RBMS3: variants seen among roughly 807,000 people sequenced by gnomAD.
RBMS3 encodes the protein RNA-binding motif, single-stranded-interacting protein 3.
A neutral mutation model predicts 66.8 loss-of-function variants in RBMS3; 27 were observed. The ratio of observed to expected loss-of-function variants is 0.40; its 90% CI spans 0.30 to 0.56. The LOEUF is 0.56. Ranked by LOEUF, RBMS3 falls within the 20% of genes least tolerant of loss-of-function variation. The pLI is 0.40. For missense variants in RBMS3, 513 were observed against 549.5 expected, an observed-to-expected ratio of 0.93 and a Z score of 0.66; for synonymous variants, 188 against 183.0, an observed-to-expected ratio of 1.03 and a Z score of -0.22.
At chr3:29,377,084 T>G (rs1401982076) in intron 1 of RBMS3, among the ~76,000 whole-genome samples, 1 of 150,326 alleles carries the variant, frequency 6.7e-6, no homozygotes, top group Non-Finnish European at 1.5e-5. Flanking sequence ...AGCAAAACTC[T>G]GTCTCAGAAA....
chr3:29,664,556 G>T (rs574529976), intron 4 of RBMS3, among the ~76,000 whole-genome samples: 42 of 151,940 alleles, frequency 2.8e-4, no homozygotes, highest in African/African-American at 1.0e-3. Context: ...TGAAGCAATG[G>T]TTTTTTATAA....
intron 12 of RBMS3, among the ~76,000 whole-genome samples, chr3:29,975,581 CTTGT>C (rs980326255): frequency 1.1e-4 from 17 of 151,670 alleles, no homozygotes; most frequent in African/African-American, 4.1e-4. Flanking sequence ...TTTTCATTGT[CTTGT>C]TTTTTAATAA....
rs566046385 is a variant in RBMS3 at position 29,392,016 on chromosome 3, G to A, written c.76-42727G>A. 2.4e-4 allele frequency among the ~76,000 whole-genome samples: 37 copies of A among 152,236 alleles called. No homozygotes were observed. The East Asian group carries it at 3.7e-3, about 15-fold the overall frequency. On this transcript the variant is annotated intron_variant, in intron 1 of 14. Transcript: ENST00000383767. ...TGTAATCCCAGCACTTTGGGAGGTC[G>A]AGGAGGGTGGATCACTTGAGGTCAG...
intron 6 of RBMS3, among the ~76,000 whole-genome samples, chr3:29,782,696 CA>C (rs1363781438): frequency 6.6e-6 from 1 of 151,640 alleles, no homozygotes; most frequent in African/African-American, 2.4e-5. Context: ...TCTGAATTGC[CA>C]AAAAAAGAAT....
intron 1 of RBMS3, among the ~76,000 whole-genome samples, chr3:29,310,058 G>A (rs1220110017): frequency 1.3e-5 from 2 of 151,612 alleles, no homozygotes; most frequent in African/African-American, 2.4e-5. Context: ...ATGTGAGAAC[G>A]TGAGTAAAAA....
intron 4 of RBMS3, among the ~76,000 whole-genome samples, chr3:29,718,504 A>G (rs1295488442): frequency 2.6e-5 from 4 of 152,088 alleles, no homozygotes; most frequent in Non-Finnish European, 4.4e-5. Flanking sequence ...CTGGAGCTCA[A>G]TTCTGCTGGA....
At chr3:29,377,664 G>C (rs2038547588) in intron 1 of RBMS3, among the ~76,000 whole-genome samples, 1 of 152,152 alleles carries the variant, frequency 6.6e-6, no homozygotes. Context: ...GCCTGACTTT[G>C]GACCATGTGT....
At chr3:29,629,621 C>A (rs2049209038) in intron 4 of RBMS3, among the ~76,000 whole-genome samples, 1 of 152,098 alleles carries the variant, frequency 6.6e-6, no homozygotes, top group South Asian at 2.1e-4. Flanking sequence ...ACAGGGAACT[C>A]ATCCATAGTT....
chr3:29,367,203 C>G (rs2037957874), intron 1 of RBMS3, among the ~76,000 whole-genome samples: 2 of 152,136 alleles, frequency 1.3e-5, no homozygotes, highest in South Asian at 4.2e-4. Flanking sequence ...GAAAAATTAA[C>G]ATTCATTTCA....
chr3:29,988,047 G>A (rs1698550547), intron 12 of RBMS3, 96 bp from the exon 13 acceptor site: 2 of 964,972 alleles, frequency 2.1e-6, no homozygotes, highest in Admixed American at 4.0e-5. Context: ...CACTGGCTAT[G>A]GGCCCCATAG....
intron 4 of RBMS3, among the ~76,000 whole-genome samples, chr3:29,692,296 A>T (rs2149275049): frequency 6.6e-6 from 1 of 152,076 alleles, no homozygotes; most frequent in East Asian, 1.9e-4. Flanking sequence ...TATTTTTTAA[A>T]TGCCTCATGT....
chr3:29,904,654 C>T (rs1272193378), intron 10 of RBMS3, among the ~76,000 whole-genome samples: 1 of 151,984 alleles, frequency 6.6e-6, no homozygotes, highest in South Asian at 2.1e-4. Flanking sequence ...ATTTGATATA[C>T]ATTATTTTCA....
intron 5 of RBMS3, among the ~76,000 whole-genome samples, chr3:29,748,046 C>A (rs957396330): frequency 6.6e-6 from 1 of 152,116 alleles, no homozygotes. Flanking sequence ...ACACCCCAAA[C>A]ATAGGGGTGT....
At position 29,444,786 on chromosome 3, in the gene RBMS3, GCC is replaced by G. The variant is rs1297583713; in HGVS notation, c.248+9872_248+9873del. ...ACAATTCTTTCAAGCGGAAATATAT[GCC>G]TTTTTTTTTTTTTTTTTTTTTTTTG... On this transcript the variant is annotated intron_variant, in intron 2 of 14. Transcript: ENST00000383767. 5.8e-3 allele frequency among the ~76,000 whole-genome samples: 175 copies of G among 30,402 alleles called. 1 individual carries two copies. Among genetic ancestry groups the G allele is most frequent in the African/African-American group, 0.015 (168 of 10,894 alleles). 19.9% of individuals were successfully genotyped at this position (30,402 alleles called of 152,430 possible). A position where few individuals can be genotyped will look rare whatever the true frequency, so the allele number is the denominator to read the frequency against.
chr3:29,833,931 G>T (rs1324938056), intron 6 of RBMS3, among the ~76,000 whole-genome samples: 1 of 151,350 alleles, frequency 6.6e-6, no homozygotes, highest in Non-Finnish European at 1.5e-5. Context: ...AAAGCGCCAA[G>T]AAAAAAAACA....
chr3:29,384,429 T>TAAGAAGAAGAAGAAGAAGAAG (rs1336272827), intron 1 of RBMS3, among the ~76,000 whole-genome samples: 35 of 95,974 alleles, frequency 3.6e-4, no homozygotes, highest in East Asian at 3.6e-3. Context: ...ATAATAATAA[T>TAAGAAGAAGAAGAAGAAGAAG]AATAATAAGA....
intron 1 of RBMS3, among the ~76,000 whole-genome samples, chr3:29,392,840 T>A (rs950892781): frequency 2.0e-5 from 3 of 151,794 alleles, no homozygotes; most frequent in Admixed American, 2.0e-4. Flanking sequence ...TGAAAAGAGA[T>A]CATGCCAGTC....
chr3:29,518,759 T>G (rs1306959176), intron 3 of RBMS3, among the ~76,000 whole-genome samples: 1 of 152,206 alleles, frequency 6.6e-6, no homozygotes, highest in African/African-American at 2.4e-5. Flanking sequence ...CACTGTATGT[T>G]AATATGTAGC....
chr3:29,810,179 A>C (rs2057690166), intron 6 of RBMS3, among the ~76,000 whole-genome samples: 1 of 152,112 alleles, frequency 6.6e-6, no homozygotes, highest in Non-Finnish European at 1.5e-5. Context: ...AAAAACAGTG[A>C]TCTTAGAAAA....
Sources: gnomAD v4.1 joint callset for allele counts (sites outside exome capture counted in the v4.1 genomes callset) on GRCh38, gnomAD v4.1.1 for gene constraint, MANE v1.5 for transcripts, NCBI Gene and HGNC (gene_info 2026-07-23, HGNC 2026-07-21) for gene names.